Variants in FLOT1 observed in about 807,000 individuals in gnomAD.
FLOT1 encodes flotillin-1.
FLOT1 carries 40 observed loss-of-function variants against 58.4 expected under a neutral mutation model. The ratio of observed to expected loss-of-function variants is 0.69; its 90% CI spans 0.53 to 0.89. The LOEUF is 0.89. FLOT1 is among the 40% of genes least tolerant of loss of function. The probability of loss-of-function intolerance (pLI) is 0.00; values close to 1 mark genes in which losing one functional copy is unlikely to be tolerated. For missense variants in FLOT1, 423 were observed against 540.8 expected (o/e 0.78, Z 2.16); for synonymous variants, 178 against 204.2 (o/e 0.87, Z 1.09).
At position 30,737,210 on chromosome 6, in the gene FLOT1, G is replaced by GTCA. The variant is rs1777634236; in HGVS notation, c.723+2947_723+2948insTGA. 1.6e-5 allele frequency among the ~76,000 whole-genome samples: 1 copy of GTCA among 61,142 alleles called. No homozygotes were observed. Among genetic ancestry groups the GTCA allele is most frequent in the African/African-American group, 7.0e-5 (1 of 14,248 alleles). 40.1% of individuals were successfully genotyped at this position (61,142 alleles called of 152,430 possible). On this transcript the variant is annotated intron_variant, in intron 8 of 12. Coordinates refer to ENST00000376389, the MANE Select transcript of FLOT1 (RefSeq NM_005803.4). This position sits in a 1 kb window ranked among gnomAD's most constrained non-coding sequence, Gnocchi z 4.4. ...CTGACTGACTGACTGACTGTCTGTC[G>GTCA]TCCGTCCGTCCGTCCGTCCGTCCGT...
At position 30,731,155 on chromosome 6, in the gene FLOT1, T is replaced by C. The variant is rs373687291; in HGVS notation, c.724-55A>G. 2.9e-3 allele frequency: 4,335 copies of C among 1,513,934 alleles called. 143 individuals carry two copies. In the South Asian group the frequency reaches 0.043, roughly 15 times the overall value. 93.8% of individuals were successfully genotyped at this position (1,513,934 alleles called of 1,614,324 possible). On this transcript the variant is annotated intron_variant, in intron 8 of 12. Coordinates refer to ENST00000376389, the MANE Select transcript of FLOT1 (RefSeq NM_005803.4). ...CTCTGAGTCAGAGGTGAAGAGCAAG[T>C]GCCCGGGAACCAGAGCTCCAGAGTG...
intron 8 of FLOT1, among the ~76,000 whole-genome samples, chr6:30,731,512 AGGTGCATGAAGGT>A (rs1311998147): frequency 6.8e-6 from 1 of 146,392 alleles, no homozygotes; most frequent in East Asian, 2.0e-4. Flanking sequence ...AAAAAGGAGC[AGGTGCATGAAGGT>A]GGGTTCCCTC....
At position 30,730,002 on chromosome 6, in the gene FLOT1, G is replaced by A; in HGVS notation, c.1254+20C>T. On this transcript the variant is annotated intron_variant, in intron 12 of 12. Transcript: ENST00000376389. The stretch of plus-strand genomic sequence containing the variant: ...CACAGGAACCTAGCAATTCTCCTCA[G>A]CTCCAACCTGAGACCTCACCTGGGA... 3 of 1,609,686 alleles carry A rather than the reference G, an allele frequency of 1.9e-6. No individual in the cohort carries two copies. Among genetic ancestry groups the A allele is most frequent in the Non-Finnish European group, 2.5e-6 (3 of 1,177,962 alleles).
rs768133534 is a variant in FLOT1 at position 30,742,113 on chromosome 6, G to A, written c.43+34C>T. On this transcript the variant is annotated intron_variant, in intron 2 of 12. Coordinates refer to ENST00000376389, the MANE Select transcript of FLOT1 (RefSeq NM_005803.4). This position sits in a 1 kb window ranked among gnomAD's most constrained non-coding sequence, Gnocchi z 5.2. ...GAGGCCAGACTCACAGGGGTTCTGG[G>A]GTCACTGGCTGGGAAGGGAACAACA... is the stretch of plus-strand genomic sequence containing the variant. The A allele has an allele frequency of 6.2e-7, 1 of 1,607,912 alleles. No individual in the cohort carries two copies. The highest frequency in any genetic ancestry group is 1.3e-5 in the African/African-American group (1 of 74,922).
intron 8 of FLOT1, among the ~76,000 whole-genome samples, 180 bp downstream of exon 8, chr6:30,739,978 C>T (rs1426315521): frequency 6.6e-6 from 1 of 152,218 alleles, no homozygotes; most frequent in African/African-American, 2.4e-5. Flanking sequence ...TTCTTTAAAG[C>T]TTTTCAGCTG....
At position 30,737,209 on chromosome 6, in the gene FLOT1, CG is replaced by C. The variant is rs1777633013; in HGVS notation, c.723+2948del. On this transcript the variant is annotated intron_variant, in intron 8 of 12. Coordinates refer to ENST00000376389, the MANE Select transcript of FLOT1 (RefSeq NM_005803.4). This position sits in a 1 kb window ranked among gnomAD's most constrained non-coding sequence, Gnocchi z 4.4. The stretch of plus-strand genomic sequence containing the variant: ...ACTGACTGACTGACTGACTGTCTGT[CG>C]TCCGTCCGTCCGTCCGTCCGTCCGT... Among the ~76,000 whole-genome samples, 1 of 71,962 alleles carries C rather than the reference CG, an allele frequency of 1.4e-5. No individual in the cohort carries two copies. The highest frequency in any genetic ancestry group is 3.1e-5 in the Non-Finnish European group (1 of 32,294). The allele number at this position is 71,962 out of a possible 152,430, so 47.2% of individuals were successfully genotyped here. A position where few individuals can be genotyped will look rare whatever the true frequency, so the allele number is the denominator to read the frequency against.
At chr6:30,739,696 C>G (rs1457565972) in intron 8 of FLOT1, among the ~76,000 whole-genome samples, 1 of 148,348 alleles carries the variant, frequency 6.7e-6, no homozygotes, top group African/African-American at 2.5e-5. Context: ...GACAGGATTT[C>G]ACTGTCACCC....
chr6:30,742,322 C>T lies in FLOT1; in HGVS notation c.-14-119G>A. The T allele has an allele frequency of 3.7e-6, 3 of 803,930 alleles. No homozygotes were observed. Among genetic ancestry groups the T allele is most frequent in the South Asian group, 1.5e-5 (1 of 68,328 alleles). 49.8% of individuals were successfully genotyped at this position (803,930 alleles called of 1,614,324 possible). A position where few individuals can be genotyped will look rare whatever the true frequency, so the allele number is the denominator to read the frequency against. On this transcript the variant is annotated intron_variant, in intron 1 of 12. Transcript: ENST00000376389. The surrounding 1 kb of genome is among the most constrained non-coding windows in gnomAD (Gnocchi z 5.2). ...CAGTCTGCATCCGCCACGGCCCGTC[C>T]CTTCTACACCCATGGGTCCGCTAAG...
intron 8 of FLOT1, among the ~76,000 whole-genome samples, chr6:30,734,037 C>T (rs1391826202): frequency 3.9e-5 from 5 of 129,792 alleles, no homozygotes; most frequent in Non-Finnish European, 4.8e-5. Flanking sequence ...AGAGCAAGAC[C>T]CTGTCTCTGA....
chr6:30,742,398 C>T lies in FLOT1; in HGVS notation c.-15+129G>A. ...TCCCCAGCTACCTCTTCTCCGCCTG[C>T]GTATGGTCCCTCCCTTCCCCTCGCC... On this transcript the variant is annotated intron_variant, in intron 1 of 12. Transcript: ENST00000376389. The surrounding 1 kb of genome is among the most constrained non-coding windows in gnomAD (Gnocchi z 5.2). 4.9e-6 allele frequency: 3 copies of T among 612,684 alleles called. No individual in the cohort carries two copies. The highest frequency in any genetic ancestry group is 3.0e-6 in the Non-Finnish European group (1 of 338,650). 38.0% of individuals were successfully genotyped at this position (612,684 alleles called of 1,614,324 possible).
chr6:30,742,252 G>A lies in FLOT1; in HGVS notation c.-14-49C>T, dbSNP rs1213410862. ...TTTGCGGATGGGGAAGGCGCGCTGT[G>A]GCGTCCACAGGGGCCCATCCTTTCC... is the stretch of plus-strand genomic sequence containing the variant. On this transcript the variant is annotated intron_variant, in intron 1 of 12. Coordinates refer to ENST00000376389, the MANE Select transcript of FLOT1 (RefSeq NM_005803.4). This position sits in a 1 kb window ranked among gnomAD's most constrained non-coding sequence, Gnocchi z 5.2. 5 of 1,499,376 alleles carry A rather than the reference G, an allele frequency of 3.3e-6. No homozygotes were observed. The highest frequency in any genetic ancestry group is 1.7e-4 in the Middle Eastern group (1 of 5,892). 92.9% of individuals were successfully genotyped at this position (1,499,376 alleles called of 1,614,324 possible).
At position 30,730,175 on chromosome 6, in the gene FLOT1, C is replaced by T. The variant is rs1777056231; in HGVS notation, c.1101G>A (p.Glu367=). ...LLEKLPQVAE[E]ISGPLTSANK... ...TGGCTGAAGTCAAGGGACCACTGATCTCCTCTGCCACCTGGCAGGAGAGAG... is the reference window on the plus strand; with the variant it reads ...TGGCTGAAGTCAAGGGACCACTGATTTCCTCTGCCACCTGGCAGGAGAGAG... Residue 367 remains glutamate, a synonymous_variant, in exon 12 of 13, where the codon GAG becomes GAA. Transcript: ENST00000376389. 1.2e-6 allele frequency: 2 copies of T among 1,613,058 alleles called. No individual in the cohort carries two copies. The highest frequency in any genetic ancestry group is 2.2e-5 in the South Asian group (2 of 91,082).
At position 30,741,102 on chromosome 6, in the gene FLOT1, G is replaced by A; in HGVS notation, c.354+88C>T. The A allele has an allele frequency of 4.7e-6, 7 of 1,489,866 alleles. No homozygotes were observed. Among genetic ancestry groups the A allele is most frequent in the Non-Finnish European group, 6.5e-6 (7 of 1,081,798 alleles). The allele number at this position is 1,489,866 out of a possible 1,614,324, so 92.3% of individuals were successfully genotyped here. A position where few individuals can be genotyped will look rare whatever the true frequency, so the allele number is the denominator to read the frequency against. ...CTGCCCGGCCGGGATGTATGCTCTTGGATCCACTGTCTCTCACAGACTAGT... is the reference window on the plus strand; with the variant it reads ...CTGCCCGGCCGGGATGTATGCTCTTAGATCCACTGTCTCTCACAGACTAGT... On this transcript the variant is annotated intron_variant, in intron 5 of 12. Transcript: ENST00000376389. The surrounding 1 kb of genome is among the most constrained non-coding windows in gnomAD (Gnocchi z 5.9).
Position 30,742,352 on chromosome 6 carries a change from T to TTC in FLOT1, c.-14-151_-14-150dup, listed in dbSNP as rs1778066909. 1.5e-6 allele frequency: 1 copy of TTC among 665,390 alleles called. No individual in the cohort carries two copies. The highest frequency in any genetic ancestry group is 1.8e-5 in the South Asian group (1 of 56,522). 41.2% of individuals were successfully genotyped at this position (665,390 alleles called of 1,614,324 possible). On this transcript the variant is annotated intron_variant, in intron 1 of 12. Transcript: ENST00000376389. This position sits in a 1 kb window ranked among gnomAD's most constrained non-coding sequence, Gnocchi z 5.2. ...TACACCCATGGGTCCGCTAAGGCTT[T>TTC]TCCCTACAAAATCCTTAAGATCCCC...
intron 8 of FLOT1, among the ~76,000 whole-genome samples, chr6:30,735,292 A>C (rs1284232776): frequency 6.6e-6 from 1 of 152,078 alleles, no homozygotes; most frequent in East Asian, 1.9e-4. Flanking sequence ...CCCCCATCAC[A>C]TCCTCTAGTC....
chr6:30,740,790 A>C lies in FLOT1; in HGVS notation c.363T>G (p.Tyr121Ter), dbSNP rs1222269626. 6.2e-7 allele frequency: 1 copy of C among 1,602,796 alleles called. No individual in the cohort carries two copies. Among genetic ancestry groups the C allele is most frequent in the East Asian group, 2.2e-5 (1 of 44,662 alleles). ...IMAHMTVEEI[Y>*]KDRQKFSEQV... ...GTTCTGAGAATTTCTGCCTGTCCTTATAGATCTCCTGTGATAACAGGATGG... is the reference window on the plus strand; with the variant it reads ...GTTCTGAGAATTTCTGCCTGTCCTTCTAGATCTCCTGTGATAACAGGATGG... Residue 121 changes from tyrosine to a stop codon, truncating the protein, a stop_gained, in exon 6 of 13, where the codon TAT (tyrosine) becomes TAG (stop). Coordinates refer to ENST00000376389, the MANE Select transcript of FLOT1 (RefSeq NM_005803.4). LOFTEE classifies it high-confidence loss of function.
rs1181287550 is a variant in FLOT1 at position 30,741,678 on chromosome 6, T to C, written c.146A>G (p.Asn49Ser). The change falls in exon 4 of 13, where the codon AAT (asparagine) becomes AGT (serine). Residue 49 changes from asparagine (N) to serine (S), a missense_variant. Asn to Ser is a conservative substitution (Grantham distance 46). Coordinates refer to ENST00000376389, the MANE Select transcript of FLOT1 (RefSeq NM_005803.4). This position sits in a 1 kb window ranked among gnomAD's most constrained non-coding sequence, Gnocchi z 5.9. ...AGTGTAAACCTTTTCACTCTTGACATTGAGGGTCAGTGTGTTGAGAGAGAT... is the reference window on the plus strand; with the variant it reads ...AGTGTAAACCTTTTCACTCTTGACACTGAGGGTCAGTGTGTTGAGAGAGAT... ...QRISLNTLTL[N>S]VKSEKVYTRH... 1.9e-6 allele frequency: 3 copies of C among 1,612,626 alleles called. No individual in the cohort carries two copies. Among genetic ancestry groups the C allele is most frequent in the African/African-American group, 1.3e-5 (1 of 74,886 alleles).
chr6:30,733,740 C>CAAAAAAA (rs35048121), intron 8 of FLOT1, among the ~76,000 whole-genome samples: 3 of 63,072 alleles, frequency 4.8e-5, no homozygotes, highest in Non-Finnish European at 5.8e-5. Context: ...AAATCCATCT[C>CAAAAAAA]AAAAAAAAAA....
chr6:30,741,554 T>A lies in FLOT1; in HGVS notation c.210+60A>T, dbSNP rs1777980177. The stretch of plus-strand genomic sequence containing the variant: ...AGACTGTGGCCAGAAGATGTCTTAA[T>A]GTCTGGGAGAGAGGGTGATGGGGAA... On this transcript the variant is annotated intron_variant, in intron 4 of 12. Transcript: ENST00000376389. This position sits in a 1 kb window ranked among gnomAD's most constrained non-coding sequence, Gnocchi z 5.9. 7.2e-7 allele frequency: 1 copy of A among 1,381,584 alleles called. No individual in the cohort carries two copies. Among genetic ancestry groups the A allele is most frequent in the African/African-American group, 1.4e-5 (1 of 70,210 alleles). 85.6% of individuals were successfully genotyped at this position (1,381,584 alleles called of 1,614,324 possible). A position where few individuals can be genotyped will look rare whatever the true frequency, so the allele number is the denominator to read the frequency against.
Sources: allele counts gnomAD v4.1 joint callset (sites outside exome capture counted in the v4.1 genomes callset), GRCh38; gene constraint gnomAD v4.1.1; non-coding constraint Gnocchi (gnomAD v3.1); transcripts MANE v1.5; gene names NCBI Gene and HGNC (gene_info 2026-07-23, HGNC 2026-07-21).